Variants in GC observed in about 807,000 individuals in gnomAD.
GC encodes the protein vitamin D-binding protein.
GC carries 43 observed loss-of-function variants against 56.7 expected under a neutral mutation model. That is an observed-to-expected ratio of 0.76 (90% CI 0.59 to 0.98). The LOEUF is 0.98. Among genes scored for constraint, GC ranks in the 50% least tolerant of loss-of-function variants. GC has a pLI of 0.00. For missense variants in GC, 529 were observed against 545.9 expected (o/e 0.97, Z 0.31); for synonymous variants, 216 against 202.7 (o/e 1.07, Z -0.56).
intron 1 of GC, among the ~76,000 whole-genome samples, chr4:71,780,021 C>G (rs116799946): frequency 1.7e-3 from 251 of 151,882 alleles, no homozygotes; most frequent in African/African-American, 5.9e-3. Flanking sequence ...TTGCCAACAG[C>G]TCTTATCAAC....
rs1295819326 is a variant in GC, at chr4:71,752,571, A to G, written c.1342T>C (p.Phe448Leu). 3 of 1,613,426 alleles carry G rather than the reference A, an allele frequency of 1.9e-6. No homozygotes were observed. In the African/African-American group the frequency reaches 4.0e-5, roughly 22 times the overall value. The stretch of plus-strand genomic sequence containing the variant: ...TTTATGGAACAGCAGTTGGAGGCAA[A>G]GTCTGAGTGCTTGTTAACCAGCTTT... ...LAKLVNKHSDFASNCCSINSP... is the reference protein window; with the variant it reads ...LAKLVNKHSDLASNCCSINSP... Residue 448 changes from phenylalanine (F) to leucine (L), a missense_variant, in exon 11 of 13, where the codon TTT (phenylalanine) becomes CTT (leucine). Phe to Leu is a conservative substitution (Grantham distance 22). Transcript: ENST00000273951.
chr4:71,763,558 TA>T (rs1488078148), intron 5 of GC, 56 bp from the exon 6 acceptor site: 2 of 1,044,158 alleles, frequency 1.9e-6, no homozygotes, highest in Admixed American at 4.1e-5. Flanking sequence ...GAATACTGTA[TA>T]AATGGCAAAA....
At chr4:71,749,905 T>G (rs1003004844) in intron 11 of GC, among the ~76,000 whole-genome samples, 1 of 152,166 alleles carries the variant, frequency 6.6e-6, no homozygotes, top group Non-Finnish European at 1.5e-5. Flanking sequence ...CAAATAGGTT[T>G]GGGACCAGAG....
chr4:71,744,421 T>C (rs1408616597), intron 12 of GC, among the ~76,000 whole-genome samples: 1 of 128,048 alleles, frequency 7.8e-6, no homozygotes, highest in African/African-American at 3.0e-5. Flanking sequence ...ATCGCGCCAC[T>C]GCACTCCAGC....
chr4:71,753,172 T>C (rs945127075), intron 10 of GC, among the ~76,000 whole-genome samples: 1 of 152,182 alleles, frequency 6.6e-6, no homozygotes, highest in Non-Finnish European at 1.5e-5. Flanking sequence ...CCATTTCTCT[T>C]TCAGGATGGT....
chr4:71,785,202 G>A (rs551975521), upstream of GC, among the ~76,000 whole-genome samples: 9 of 151,870 alleles, frequency 5.9e-5, no homozygotes, highest in African/African-American at 2.2e-4. Flanking sequence ...TCTGGGTGCA[G>A]GGCTCATGGT....
intron 6 of GC, among the ~76,000 whole-genome samples, chr4:71,762,098 A>T (rs1741999084): frequency 6.6e-6 from 1 of 152,192 alleles, no homozygotes; most frequent in Admixed American, 6.5e-5. Context: ...ACAGATGCTC[A>T]ATGACAGCCT....
intron 1 of GC, among the ~76,000 whole-genome samples, chr4:71,776,760 T>C (rs1008904120): frequency 3.9e-5 from 6 of 151,946 alleles, no homozygotes; most frequent in African/African-American, 1.4e-4. Context: ...GAAATGTATA[T>C]AATTATAATT....
chr4:71,763,449 G>A lies in GC; in HGVS notation c.660C>T (p.Cys220=), dbSNP rs2149299926. 1 of 1,607,342 alleles carries A rather than the reference G, an allele frequency of 6.2e-7. No homozygotes were observed. The highest frequency in any genetic ancestry group is 8.5e-7 in the Non-Finnish European group (1 of 1,174,212). ...SLLTTLSNRV[C]SQYAAYGEKK... Reference sequence around the variant, plus strand: ...TCTCCCCATAAGCAGCATATTGTGAGCAGACTCTATTTGACAGAGTGGTGA... The same window carrying A: ...TCTCCCCATAAGCAGCATATTGTGAACAGACTCTATTTGACAGAGTGGTGA... Residue 220 remains cysteine, a synonymous_variant, in exon 6 of 13, where the codon TGC becomes TGT. Transcript: ENST00000273951.
chr4:71,781,379 G>T (rs1342040091), intron 1 of GC, among the ~76,000 whole-genome samples: 1 of 150,684 alleles, frequency 6.6e-6, no homozygotes, highest in Non-Finnish European at 1.5e-5. Context: ...AGAACTTAAA[G>T]TATAACAATA....
intron 12 of GC, among the ~76,000 whole-genome samples, chr4:71,744,819 T>C (rs1741307015): frequency 6.6e-6 from 1 of 151,224 alleles, no homozygotes. Context: ...GAAAGATTCA[T>C]TCAAATGGGG....
At chr4:71,780,666 A>G (rs1453081963) in intron 1 of GC, among the ~76,000 whole-genome samples, 3 of 152,224 alleles carry the variant, frequency 2.0e-5, no homozygotes, top group Non-Finnish European at 4.4e-5. Context: ...AGAGGAATGC[A>G]AATCAAAACC....
intron 11 of GC, among the ~76,000 whole-genome samples, chr4:71,750,299 A>G (rs1426132776): frequency 1.3e-5 from 2 of 152,234 alleles, no homozygotes; most frequent in African/African-American, 4.8e-5. Context: ...TAATGCAGCT[A>G]CCTGGCAATG....
chr4:71,798,257 C>A (rs549114263), intron 1 of GC, among the ~76,000 whole-genome samples: 3 of 152,240 alleles, frequency 2.0e-5, no homozygotes, highest in Admixed American at 6.5e-5. Flanking sequence ...TTAAAGTTTT[C>A]ATTTTATTAA....
chr4:71,773,282 A>G (rs892299680), intron 1 of GC, among the ~76,000 whole-genome samples: 8 of 152,102 alleles, frequency 5.3e-5, no homozygotes, highest in South Asian at 2.1e-4. Flanking sequence ...GCTTTCTGCA[A>G]TAGCATGTTT....
intron 1 of GC, among the ~76,000 whole-genome samples, chr4:71,793,286 TC>T (rs1280295700): frequency 6.6e-6 from 1 of 152,162 alleles, no homozygotes; most frequent in Non-Finnish European, 1.5e-5. Context: ...ATTCTTCCTA[TC>T]CATGAGCATA....
rs913030645 is a variant in GC at position 71,769,246 on chromosome 4, C to T, written c.128+85G>A. On this transcript the variant is annotated intron_variant, in intron 2 of 12. Coordinates refer to ENST00000273951, the MANE Select transcript of GC (RefSeq NM_000583.4). ...ACTCTTGGCAAGGATTAAGGATTAA[C>T]CTCCATGCTGAGTCAAAGTTACCTC... The T allele has an allele frequency of 7.2e-6, 7 of 978,832 alleles. No individual in the cohort carries two copies. The Admixed American group carries it at 1.3e-4, about 19-fold the overall frequency. 60.6% of individuals were successfully genotyped at this position (978,832 alleles called of 1,614,324 possible). A position where few individuals can be genotyped will look rare whatever the true frequency, so the allele number is the denominator to read the frequency against.
At chr4:71,761,984 C>T (rs1266885960) in intron 6 of GC, among the ~76,000 whole-genome samples, 1 of 152,182 alleles carries the variant, frequency 6.6e-6, no homozygotes, top group East Asian at 1.9e-4. Flanking sequence ...AATAGAGTCC[C>T]TACTGGGGCA....
chr4:71,797,577 C>T lies in GC; in HGVS notation c.21+6349G>A, dbSNP rs191214313. Reference sequence around the variant, plus strand: ...TTTTTTTTCCAGGTACATTCTGTCACGGCTTTCTTTGGCTAGGAAAGGGAA... The same window carrying T: ...TTTTTTTTCCAGGTACATTCTGTCATGGCTTTCTTTGGCTAGGAAAGGGAA... On this transcript the variant is annotated intron_variant, in intron 1 of 13. Transcript: ENST00000504199. 3.1e-3 allele frequency among the ~76,000 whole-genome samples: 477 copies of T among 152,316 alleles called. 1 individual carries two copies. Among genetic ancestry groups the T allele is most frequent in the Non-Finnish European group, 5.4e-3 (369 of 68,026 alleles).
Sources: allele counts gnomAD v4.1 joint callset (sites outside exome capture counted in the v4.1 genomes callset), GRCh38; gene constraint gnomAD v4.1.1; transcripts MANE v1.5; gene names NCBI Gene and HGNC (gene_info 2026-07-23, HGNC 2026-07-21).